Variants in GARIN2 observed in about 807,000 individuals in gnomAD.
GARIN2 encodes Golgi-associated RAB2 interactor protein 2.
the GARIN2 span, among the ~76,000 whole-genome samples, chr14:67,219,592 C>A: frequency 6.6e-6 from 1 of 152,122 alleles, no homozygotes; most frequent in East Asian, 1.9e-4. Context: ...ATAAGAATAA[C>A]TTTGTTAGGA....
At chr14:67,202,793 G>C in the GARIN2 span, among the ~76,000 whole-genome samples, 7 of 152,170 alleles carry the variant, frequency 4.6e-5, no homozygotes, top group Non-Finnish European at 8.8e-5. Flanking sequence ...GCTAAGTCAA[G>C]TCCTCTGTTA....
At chr14:67,203,717 C>T in the GARIN2 span, among the ~76,000 whole-genome samples, 8 of 152,102 alleles carry the variant, frequency 5.3e-5, no homozygotes, top group South Asian at 4.2e-4. Flanking sequence ...GACATTCTGA[C>T]GTGTTTTGTT....
At chr14:67,221,545 G>A in the GARIN2 span, among the ~76,000 whole-genome samples, 3 of 152,144 alleles carry the variant, frequency 2.0e-5, no homozygotes, top group African/African-American at 2.4e-5. Context: ...ATATTATTAC[G>A]TACAATAAAC....
chr14:67,218,804 C>T, the GARIN2 span, among the ~76,000 whole-genome samples: 1 of 152,012 alleles, frequency 6.6e-6, no homozygotes, highest in East Asian at 2.0e-4. Flanking sequence ...GGTGTGTATG[C>T]AGCAGTTTGG....
the GARIN2 span, chr14:67,199,616 C>A: frequency 6.3e-7 from 1 of 1,586,064 alleles, no homozygotes; most frequent in Non-Finnish European, 8.7e-7. Flanking sequence ...CAAGGGTGAG[C>A]GCCATGGCTT....
the GARIN2 span, among the ~76,000 whole-genome samples, chr14:67,211,333 G>A: frequency 4.6e-5 from 7 of 152,154 alleles, no homozygotes; most frequent in Non-Finnish European, 8.8e-5. Flanking sequence ...ATGTAGATTT[G>A]ACTCACATTG....
chr14:67,228,300 G>A, the GARIN2 span: 49,399 of 372,936 alleles, frequency 0.13, 6,353 homozygotes, highest in East Asian at 0.44. Flanking sequence ...ATATAATTTT[G>A]TTTGTTTCAA....
the GARIN2 span, among the ~76,000 whole-genome samples, chr14:67,194,438 CGT>C: frequency 1.3e-5 from 2 of 150,788 alleles, no homozygotes; most frequent in African/African-American, 2.4e-5. Context: ...ATGAGGGGGG[CGT>C]GTGTGTGTGT....
the GARIN2 span, among the ~76,000 whole-genome samples, chr14:67,210,640 T>C: frequency 3.9e-5 from 6 of 152,030 alleles, no homozygotes; most frequent in African/African-American, 1.4e-4. Context: ...CGTTATATAA[T>C]TGATTACACA....
the GARIN2 span, chr14:67,198,039 TA>T: frequency 3.9e-5 from 46 of 1,172,316 alleles, no homozygotes; most frequent in Non-Finnish European, 4.8e-5. Flanking sequence ...ATATCACAGA[TA>T]TTGATAAAAT....
the GARIN2 span, among the ~76,000 whole-genome samples, chr14:67,225,968 C>CGT: frequency 2.5e-5 from 2 of 78,930 alleles, no homozygotes; most frequent in African/African-American, 4.0e-5. Context: ...TGTGTGCGCG[C>CGT]GCGCGCGTGC....
chr14:67,224,624 A>AT, the GARIN2 span: 7 of 300,804 alleles, frequency 2.3e-5, no homozygotes, highest in Admixed American at 4.8e-5. Context: ...TTAACTTTTA[A>AT]ATTTTTTTTT....
chr14:67,189,735 G>A, the GARIN2 span: 1 of 152,000 alleles, frequency 6.6e-6, no homozygotes, highest in Admixed American at 6.6e-5. Flanking sequence ...AAGCTGAAAA[G>A]CCGAGAGACT....
the GARIN2 span, among the ~76,000 whole-genome samples, chr14:67,201,077 C>T: frequency 5.5e-4 from 84 of 152,284 alleles, no homozygotes; most frequent in Admixed American, 4.6e-3. Context: ...AGGAGGATCG[C>T]TTGAGGCCAG....
the GARIN2 span, chr14:67,204,859 G>A: frequency 6.2e-7 from 1 of 1,613,960 alleles, no homozygotes; most frequent in Non-Finnish European, 8.5e-7. Flanking sequence ...CCCTGAACAT[G>A]TCAGGGACAG....
At chr14:67,190,068 A>AT in the GARIN2 span, among the ~76,000 whole-genome samples, 1,992 of 115,392 alleles carry the variant, frequency 0.017, 41 homozygotes, top group South Asian at 0.039. Context: ...TGCCCAGCTA[A>AT]TTTTTTTTTT....
the GARIN2 span, among the ~76,000 whole-genome samples, chr14:67,210,286 T>C: frequency 2.0e-5 from 3 of 152,088 alleles, no homozygotes; most frequent in Non-Finnish European, 4.4e-5. Context: ...ATGGGCAGAA[T>C]TTCAATGAAA....
the GARIN2 span, chr14:67,208,038 T>C: frequency 1.7e-6 from 1 of 591,120 alleles, no homozygotes. Context: ...CCCGGGGCTC[T>C]CCCAATGGTC....
At chr14:67,225,962 T>TGTGTGTGC in the GARIN2 span, among the ~76,000 whole-genome samples, 781 of 113,432 alleles carry the variant, frequency 6.9e-3, 5 homozygotes, top group Admixed American at 0.011. Context: ...TGTGTGTGTG[T>TGTGTGTGC]GCGCGCGCGC....
Sources: allele counts gnomAD v4.1 joint callset (sites outside exome capture counted in the v4.1 genomes callset), GRCh38; gene constraint gnomAD v4.1.1; transcripts MANE v1.5; gene names NCBI Gene and HGNC (gene_info 2026-07-23, HGNC 2026-07-21).